The following NFILZ variants were observed in gnomAD, a reference collection of about 807,000 sequenced individuals.
The protein encoded by NFILZ is NFIL3 like basic leucine zipper, also known as NFIL3 like protein.
At chr19:8,663,146 A>T (rs1199865179) in intron 3 of NFILZ, among the ~76,000 whole-genome samples, 1 of 149,848 alleles carries the variant, frequency 6.7e-6, no homozygotes, top group Non-Finnish European at 1.5e-5. Flanking sequence ...TTTTTAAGAG[A>T]TGGGGTCTTG....
chr19:8,652,938 C>CTCTT (rs1226789596), intron 3 of NFILZ, among the ~76,000 whole-genome samples: 1 of 147,364 alleles, frequency 6.8e-6, no homozygotes, highest in Non-Finnish European at 1.5e-5. Flanking sequence ...CTCTCTTTCT[C>CTCTT]TCTTTCTCTC....
At chr19:8,637,922 A>AAAAAAAAAAAAAAAAAAAAAAAAAAAAAC (rs2042902106) in intron 3 of NFILZ, among the ~76,000 whole-genome samples, 1 of 149,128 alleles carries the variant, frequency 6.7e-6, no homozygotes, top group African/African-American at 2.4e-5. Context: ...CAAAAAAAAA[A>AAAAAAAAAAAAAAAAAAAAAAAAAAAAAC]AAAAAAAAAA....
intron 3 of NFILZ, among the ~76,000 whole-genome samples, chr19:8,641,574 T>G (rs147344233): frequency 6.6e-6 from 1 of 152,174 alleles, no homozygotes; most frequent in African/African-American, 2.4e-5. Context: ...GGTTCTCTTA[T>G]TTTACACATG....
At chr19:8,659,015 C>G (rs10424997) in intron 3 of NFILZ, among the ~76,000 whole-genome samples, 97,258 of 151,790 alleles carry the variant, frequency 0.64, 31,728 homozygotes, top group Non-Finnish European at 0.68. Flanking sequence ...GGAGGCCAAG[C>G]TGGGTGGATC....
intron 3 of NFILZ, among the ~76,000 whole-genome samples, chr19:8,671,839 C>G (rs567431052): frequency 8.5e-5 from 13 of 152,302 alleles, no homozygotes; most frequent in Non-Finnish European, 1.8e-4. Flanking sequence ...CCCCCCAAGA[C>G]AGGGCCAGGA....
At chr19:8,663,722 T>TGTA (rs2043044422) in intron 3 of NFILZ, among the ~76,000 whole-genome samples, 1 of 10,800 alleles carries the variant, frequency 9.3e-5, no homozygotes, top group African/African-American at 3.1e-4. Context: ...GTGTGTGTGT[T>TGTA]TGTGTGTGTG....
chr19:8,648,171 CAAAAAA>C (rs56776806), intron 3 of NFILZ, among the ~76,000 whole-genome samples: 3 of 68,534 alleles, frequency 4.4e-5, no homozygotes, highest in South Asian at 5.6e-4. Context: ...GACTCCGTCT[CAAAAAA>C]AAAAAAAAAA....
intron 3 of NFILZ, among the ~76,000 whole-genome samples, chr19:8,665,768 C>G (rs1555749706): frequency 6.6e-6 from 1 of 152,208 alleles, no homozygotes; most frequent in East Asian, 1.9e-4. Context: ...CCAATTTCGG[C>G]AGGAAAAATT....
At chr19:8,631,529 A>C (rs2042869337) in intron 1 of NFILZ, among the ~76,000 whole-genome samples, 1 of 152,084 alleles carries the variant, frequency 6.6e-6, no homozygotes, top group African/African-American at 2.4e-5. Context: ...CCCTGGGACA[A>C]AGCCCAGGGA....
chr19:8,645,654 CCTCG>C (rs1555747014), intron 3 of NFILZ, among the ~76,000 whole-genome samples: 1 of 152,104 alleles, frequency 6.6e-6, no homozygotes, highest in East Asian at 1.9e-4. Context: ...TGAAAGAGAC[CCTCG>C]AGCTGGCCCT....
In NFILZ at chr19:8,680,085, A is replaced by G. The variant is rs1437450162; in HGVS notation, c.*2450A>G. On this transcript the variant is annotated 3_prime_UTR_variant, in exon 6 of 6. Transcript: ENST00000691075. ...GTAGCGAGCGCCTGTAATCTCAGCT[A>G]CTTGGGAGGCTGAGGCATGAAAATC... is the stretch of plus-strand genomic sequence containing the variant. Among the ~76,000 whole-genome samples the G allele has an allele frequency of 1.3e-5, 2 of 151,290 alleles. No homozygotes were observed. Among genetic ancestry groups the G allele is most frequent in the Admixed American group, 6.6e-5 (1 of 15,090 alleles).
In NFILZ at chr19:8,680,886, G is replaced by A. The variant is rs2043143267; in HGVS notation, c.*3251G>A. On this transcript the variant is annotated 3_prime_UTR_variant, in exon 6 of 6. Transcript: ENST00000691075. ...TGTGCAAAGGCCCTGAGGTGGGATA[G>A]TGCCTAGTGTTTTGAGGAAGATTGA... Among the ~76,000 whole-genome samples the A allele has an allele frequency of 6.6e-6, 1 of 152,084 alleles. No homozygotes were observed. Among genetic ancestry groups the A allele is most frequent in the South Asian group, 2.1e-4 (1 of 4,822 alleles).
intron 2 of NFILZ, among the ~76,000 whole-genome samples, chr19:8,633,247 C>G (rs1011055941): frequency 2.0e-5 from 3 of 152,066 alleles, no homozygotes; most frequent in Non-Finnish European, 4.4e-5. Flanking sequence ...GTCTTGGATT[C>G]CTGACCTAAG....
At chr19:8,651,581 G>T (rs1310776635) in intron 3 of NFILZ, among the ~76,000 whole-genome samples, 1 of 152,112 alleles carries the variant, frequency 6.6e-6, no homozygotes, top group African/African-American at 2.4e-5. Context: ...GCTCAGGCTG[G>T]AGTGCAGTGG....
At chr19:8,657,678 C>A (rs1239187137) in intron 3 of NFILZ, among the ~76,000 whole-genome samples, 1 of 152,176 alleles carries the variant, frequency 6.6e-6, no homozygotes, top group Non-Finnish European at 1.5e-5. Flanking sequence ...TCCCTCCACA[C>A]CGTGCTTTCA....
intron 2 of NFILZ, among the ~76,000 whole-genome samples, chr19:8,633,947 CCTCCCTTCT>C (rs1290666238): frequency 4.2e-5 from 6 of 142,784 alleles, no homozygotes; most frequent in African/African-American, 1.6e-4. Flanking sequence ...TCCTTCCTTC[CCTCCCTTCT>C]TTCCTTCTCT....
At chr19:8,670,091 A>C (rs1172329700) in intron 3 of NFILZ, among the ~76,000 whole-genome samples, 1 of 151,356 alleles carries the variant, frequency 6.6e-6, no homozygotes, top group Non-Finnish European at 1.5e-5. Flanking sequence ...GAGCTCACCT[A>C]ATCTGACAGG....
intron 3 of NFILZ, among the ~76,000 whole-genome samples, chr19:8,644,601 C>T (rs1169050050): frequency 6.6e-6 from 1 of 151,750 alleles, no homozygotes; most frequent in Non-Finnish European, 1.5e-5. Flanking sequence ...GCTGGGAACA[C>T]AAGTGTATGC....
chr19:8,636,736 C>T (rs925706260), intron 3 of NFILZ, among the ~76,000 whole-genome samples: 10 of 151,998 alleles, frequency 6.6e-5, no homozygotes, highest in Non-Finnish European at 1.2e-4. Context: ...GGATTACAGG[C>T]GTGAGCCACC....
Sources: gnomAD v4.1 joint callset for allele counts (sites outside exome capture counted in the v4.1 genomes callset) on GRCh38, gnomAD v4.1.1 for gene constraint, MANE v1.5 for transcripts, NCBI Gene and HGNC (gene_info 2026-07-23, HGNC 2026-07-21) for gene names.